The following CTNNA3 variants were observed in gnomAD, a reference collection of about 807,000 sequenced individuals.
CTNNA3 encodes the protein catenin alpha-3.
CTNNA3 carries 76 observed loss-of-function variants against 95.7 expected under a neutral mutation model. The ratio of observed to expected loss-of-function variants is 0.79; its 90% CI spans 0.66 to 0.96. The LOEUF (loss-of-function observed/expected upper bound fraction) is 0.96, where lower values mean the gene tolerates loss of function less well. CTNNA3 is among the 40% of genes least tolerant of loss of function. The pLI is 0.00. For missense variants in CTNNA3, 1,191 were observed against 1,089.8 expected, an observed-to-expected ratio of 1.09 and a Z score of -1.31; for synonymous variants, 431 against 374.4, an observed-to-expected ratio of 1.15 and a Z score of -1.74.
intron 5 of CTNNA3, among the ~76,000 whole-genome samples, chr10:67,262,313 G>A (rs1866651601): frequency 6.6e-6 from 1 of 152,052 alleles, no homozygotes; most frequent in African/African-American, 2.4e-5. Flanking sequence ...GGATCAAAAG[G>A]GGTGATTTTC....
intron 11 of CTNNA3, among the ~76,000 whole-genome samples, chr10:66,506,891 T>C (rs987961560): frequency 1.3e-5 from 2 of 152,178 alleles, no homozygotes; most frequent in African/African-American, 4.8e-5. Flanking sequence ...GGAAATTGGT[T>C]ATAATTATAT....
intron 7 of CTNNA3, among the ~76,000 whole-genome samples, chr10:66,825,464 T>C (rs1842474635): frequency 6.6e-6 from 1 of 151,428 alleles, no homozygotes; most frequent in South Asian, 2.1e-4. Context: ...TTAGTAGAGA[T>C]GGAGTTTTGC....
At chr10:65,948,339 C>CA (rs1241981941) in intron 17 of CTNNA3, among the ~76,000 whole-genome samples, 1 of 151,716 alleles carries the variant, frequency 6.6e-6, no homozygotes, top group Non-Finnish European at 1.5e-5. Context: ...CATGCACACC[C>CA]CCCCCAACAT....
chr10:67,084,913 A>T (rs1020983272), intron 7 of CTNNA3, among the ~76,000 whole-genome samples: 5 of 151,926 alleles, frequency 3.3e-5, no homozygotes, highest in African/African-American at 1.2e-4. Flanking sequence ...AAATAATTAC[A>T]TGAAACTCCT....
chr10:67,744,176 A>G (rs1323284431), intron 1 of CTNNA3, among the ~76,000 whole-genome samples: 2 of 151,290 alleles, frequency 1.3e-5, no homozygotes, highest in African/African-American at 4.8e-5. Context: ...TGGAACCAAA[A>G]AAGAGCCCGC....
chr10:67,757,567 A>C (rs185071104), intron 1 of CTNNA3, among the ~76,000 whole-genome samples: 1 of 152,308 alleles, frequency 6.6e-6, no homozygotes, highest in Admixed American at 6.5e-5. Context: ...GAGTGTTCCG[A>C]CTTTCATCTT....
intron 17 of CTNNA3, among the ~76,000 whole-genome samples, chr10:65,922,121 T>C (rs183623735): frequency 1.3e-5 from 2 of 152,302 alleles, no homozygotes; most frequent in Admixed American, 1.3e-4. Context: ...TGGTTCTACC[T>C]TGCGTTTTTT....
At chr10:66,558,293 A>T (rs1286412624) in intron 10 of CTNNA3, among the ~76,000 whole-genome samples, 1 of 152,130 alleles carries the variant, frequency 6.6e-6, no homozygotes, top group Non-Finnish European at 1.5e-5. Context: ...CAAAAAGCTG[A>T]AGCACTTCTA....
At chr10:67,105,549 T>A (rs1382349869) in intron 7 of CTNNA3, among the ~76,000 whole-genome samples, 2 of 152,108 alleles carry the variant, frequency 1.3e-5, no homozygotes, top group Non-Finnish European at 2.9e-5. Context: ...TTTACATCAA[T>A]GATATATTTG....
chr10:67,676,184 G>A (rs1389055851), intron 1 of CTNNA3, among the ~76,000 whole-genome samples: 1 of 152,012 alleles, frequency 6.6e-6, no homozygotes, highest in Non-Finnish European at 1.5e-5. Context: ...AGAAGAGAAA[G>A]ACCCAGGAAT....
intron 11 of CTNNA3, among the ~76,000 whole-genome samples, chr10:66,499,725 T>C (rs1267585437): frequency 6.6e-6 from 1 of 151,990 alleles, no homozygotes; most frequent in Non-Finnish European, 1.5e-5. Flanking sequence ...ACCTTCCAAG[T>C]GGAGCAATAA....
In CTNNA3 at chr10:67,403,157, C is replaced by T. The variant is rs530384054; in HGVS notation, c.579+118685G>A. 1.5e-4 allele frequency among the ~76,000 whole-genome samples: 23 copies of T among 152,296 alleles called. 1 individual carries two copies. The South Asian group carries it at 4.8e-3, about 32-fold the overall frequency. The stretch of plus-strand genomic sequence containing the variant: ...CTGGACAAGTAAGGGACCCCCAGCA[C>T]AGCACAGCACAGCTGCTCTATGAAA... On this transcript the variant is annotated intron_variant, in intron 5 of 17. Coordinates refer to ENST00000433211, the MANE Select transcript of CTNNA3 (RefSeq NM_013266.4).
chr10:67,660,289 G>T (rs1840141568), intron 1 of CTNNA3, among the ~76,000 whole-genome samples: 2 of 152,142 alleles, frequency 1.3e-5, no homozygotes, highest in African/African-American at 2.4e-5. Context: ...ATAGGAAATA[G>T]ATGACTTTTC....
At chr10:66,369,866 C>T (rs117342852) in intron 12 of CTNNA3, among the ~76,000 whole-genome samples, 3 of 152,034 alleles carry the variant, frequency 2.0e-5, no homozygotes, top group Non-Finnish European at 2.9e-5. Flanking sequence ...TAAACTTGCT[C>T]GTCTTGAAAA....
At chr10:67,474,097 A>G (rs1473402138) in intron 5 of CTNNA3, among the ~76,000 whole-genome samples, 2 of 152,162 alleles carry the variant, frequency 1.3e-5, no homozygotes, top group Non-Finnish European at 2.9e-5. Context: ...CAAACAAATC[A>G]TTGTAATTGG....
At chr10:67,342,654 A>C (rs1406876681) in intron 5 of CTNNA3, among the ~76,000 whole-genome samples, 1 of 152,156 alleles carries the variant, frequency 6.6e-6, no homozygotes, top group Non-Finnish European at 1.5e-5. Flanking sequence ...TCTTCTGTAC[A>C]TGGATATCCA....
chr10:67,581,260 T>C (rs1028913163), intron 3 of CTNNA3, among the ~76,000 whole-genome samples: 8 of 152,214 alleles, frequency 5.3e-5, no homozygotes, highest in Non-Finnish European at 1.0e-4. Context: ...TGAGAGTTTT[T>C]AGCATGAAGG....
In CTNNA3 at chr10:66,297,580, T is replaced by C. The variant is rs529907637; in HGVS notation, c.1733-16959A>G. Among the ~76,000 whole-genome samples, 16 of 152,304 alleles carry C rather than the reference T, an allele frequency of 1.1e-4. No homozygotes were observed. The South Asian group carries it at 2.7e-3, about 26-fold the overall frequency. On this transcript the variant is annotated intron_variant, in intron 12 of 17. Transcript: ENST00000433211. The stretch of plus-strand genomic sequence containing the variant: ...CCTCGTGTCCTCTATCCTACATTTA[T>C]AGAGTCTCAAATATGCTCAGCCTCA...
At chr10:66,352,550 C>T (rs2092574892) in intron 12 of CTNNA3, among the ~76,000 whole-genome samples, 1 of 152,046 alleles carries the variant, frequency 6.6e-6, no homozygotes, top group Non-Finnish European at 1.5e-5. Flanking sequence ...CAGCTAAACC[C>T]ATCTAGCCTA....
Sources: gnomAD v4.1 joint callset for allele counts (sites outside exome capture counted in the v4.1 genomes callset) on GRCh38, gnomAD v4.1.1 for gene constraint, MANE v1.5 for transcripts, NCBI Gene and HGNC (gene_info 2026-07-23, HGNC 2026-07-21) for gene names.